The following GRID1 variants were observed in gnomAD, a reference collection of about 807,000 sequenced individuals.
The protein encoded by GRID1 is glutamate ionotropic receptor delta type subunit 1.
GRID1 carries 28 observed loss-of-function variants against 98.0 expected under a neutral mutation model. That is an observed-to-expected ratio of 0.29 (90% confidence interval 0.21 to 0.39). The LOEUF is 0.39. Ranked by LOEUF, GRID1 falls within the 10% of genes least tolerant of loss-of-function variation. The pLI is 1.00. For synonymous variants in GRID1, 553 were observed against 538.5 expected, an observed-to-expected ratio of 1.03 and a Z score of -0.37; for missense variants, 1,111 against 1,340.5, an observed-to-expected ratio of 0.83 and a Z score of 2.67.
intron 5 of GRID1, among the ~76,000 whole-genome samples, chr10:85,878,289 A>T (rs56053692): frequency 6.6e-6 from 1 of 151,436 alleles, no homozygotes; most frequent in Non-Finnish European, 1.5e-5. Context: ...GATACTCCTC[A>T]AGAAGAGCAA....
In GRID1 at chr10:85,599,802, A is replaced by AAAAAAAAAAAAAAAAAATATATAT; in HGVS notation, c.*2470_*2471insATATATATTTTTTTTTTTTTTTTT. On this transcript the variant is annotated 3_prime_UTR_variant, in exon 16 of 16. Transcript: ENST00000327946. ...GTAGAAAATTCTAAAAAAAAAAAAA[A>AAAAAAAAAAAAAAAAAATATATAT]ATATATATATATATATATAAACATG... 2 of 64,984 alleles carry AAAAAAAAAAAAAAAAAATATATAT rather than the reference A, an allele frequency of 3.1e-5. No individual in the cohort carries two copies. Among genetic ancestry groups the AAAAAAAAAAAAAAAAAATATATAT allele is most frequent in the African/African-American group, 1.9e-4 (2 of 10,732 alleles). The allele number at this position is 64,984 out of a possible 1,614,324, so 4.0% of individuals were successfully genotyped here.
At chr10:85,795,682 G>A (rs746858928) in intron 8 of GRID1, among the ~76,000 whole-genome samples, 27 of 152,144 alleles carry the variant, frequency 1.8e-4, no homozygotes, top group Admixed American at 4.6e-4. Flanking sequence ...GACAGGCAAC[G>A]GCACGTCGAA....
At chr10:86,238,534 G>C (rs1300714839) in intron 2 of GRID1, among the ~76,000 whole-genome samples, 1 of 152,148 alleles carries the variant, frequency 6.6e-6, no homozygotes, top group Non-Finnish European at 1.5e-5. Context: ...GCTGGGCATG[G>C]TGGCACATGC....
Position 86,192,008 on chromosome 10 carries a change from G to A in GRID1, c.520+14356C>T, listed in dbSNP as rs567936525. ...CCCTGTGCACTGCGAGAAGGGATCT[G>A]AACTTGATCCTTAAGGAGAGGGGGA... On this transcript the variant is annotated intron_variant, in intron 3 of 15. Transcript: ENST00000327946. This position sits in a 1 kb window ranked among gnomAD's most constrained non-coding sequence, Gnocchi z 4.8. Among the ~76,000 whole-genome samples the A allele has an allele frequency of 1.6e-4, 24 of 152,308 alleles. No homozygotes were observed. Among genetic ancestry groups the A allele is most frequent in the African/African-American group, 5.8e-4 (24 of 41,572 alleles).
intron 4 of GRID1, among the ~76,000 whole-genome samples, chr10:86,023,766 G>A (rs550057536): frequency 1.5e-4 from 23 of 152,082 alleles, no homozygotes; most frequent in Non-Finnish European, 2.5e-4. Flanking sequence ...CCCAGACTCC[G>A]CCTTATATCT....
rs530284733 is a variant in GRID1, at chr10:86,260,526, G to A, written c.236-53878C>T. 4.6e-5 allele frequency among the ~76,000 whole-genome samples: 7 copies of A among 152,212 alleles called. No individual in the cohort carries two copies. In the East Asian group the frequency reaches 1.2e-3, roughly 25 times the overall value. ...TCTAATGGGACCTTCAGGAGCTCCC[G>A]GTCCTCATAGGGATGCAGACAGACA... On this transcript the variant is annotated intron_variant, in intron 2 of 15. Coordinates refer to ENST00000327946, the MANE Select transcript of GRID1 (RefSeq NM_017551.3).
At position 85,769,047 on chromosome 10, in the gene GRID1, T is replaced by G. The variant is rs985639793; in HGVS notation, c.1234-39433A>C. Among the ~76,000 whole-genome samples, 13 of 152,184 alleles carry G rather than the reference T, an allele frequency of 8.5e-5. 1 individual carries two copies. The highest frequency in any genetic ancestry group is 8.5e-4 in the Admixed American group (13 of 15,278). On this transcript the variant is annotated intron_variant, in intron 8 of 15. Coordinates refer to ENST00000327946, the MANE Select transcript of GRID1 (RefSeq NM_017551.3). ...GCTCTATTCACTCAAAGGAAAGTAT[T>G]GTACTTGTAAACAAACAAAAAGACT...
intron 4 of GRID1, among the ~76,000 whole-genome samples, chr10:86,061,420 A>G (rs1436271868): frequency 6.6e-6 from 1 of 152,118 alleles, no homozygotes; most frequent in African/African-American, 2.4e-5. Flanking sequence ...CCATTGTGAA[A>G]GCAGCCACCT....
chr10:85,717,031 G>C (rs1841647839), intron 12 of GRID1, among the ~76,000 whole-genome samples: 1 of 152,118 alleles, frequency 6.6e-6, no homozygotes, highest in African/African-American at 2.4e-5. Flanking sequence ...ATAAGATCTG[G>C]AGATATAATG....
At chr10:85,949,325 C>G (rs1842089701) in intron 4 of GRID1, among the ~76,000 whole-genome samples, 1 of 152,114 alleles carries the variant, frequency 6.6e-6, no homozygotes, top group South Asian at 2.1e-4. Flanking sequence ...GGCATCCTTC[C>G]AGACCCTTTC....
In GRID1 at chr10:85,901,852, G is replaced by C. The variant is rs1841393804; in HGVS notation, c.780+14334C>G. Among the ~76,000 whole-genome samples the C allele has an allele frequency of 3.3e-5, 5 of 152,316 alleles. No homozygotes were observed. The South Asian group carries it at 1.0e-3, about 32-fold the overall frequency. On this transcript the variant is annotated intron_variant, in intron 5 of 15. Transcript: ENST00000327946. ...TTTCAAAGGGCTAAAGAATGATACT[G>C]CAGAACAACGATGACCTCATATATC... is the stretch of plus-strand genomic sequence containing the variant.
At chr10:85,959,888 AT>A (rs989968161) in intron 4 of GRID1, among the ~76,000 whole-genome samples, 183 of 147,316 alleles carry the variant, frequency 1.2e-3, no homozygotes, top group Middle Eastern at 3.5e-3. Context: ...CTTTTGGGTA[AT>A]TTTTTTTTTT....
At chr10:85,750,183 G>C (rs748038989) in intron 8 of GRID1, among the ~76,000 whole-genome samples, 1 of 152,136 alleles carries the variant, frequency 6.6e-6, no homozygotes, top group Non-Finnish European at 1.5e-5. Flanking sequence ...TCCAACAGGA[G>C]CATCTATTCT....
At chr10:85,982,658 G>A (rs1165081221) in intron 4 of GRID1, among the ~76,000 whole-genome samples, 2 of 152,178 alleles carry the variant, frequency 1.3e-5, no homozygotes, top group African/African-American at 2.4e-5. Flanking sequence ...TACAGTGAGA[G>A]CAATCCCAGT....
At chr10:86,233,319 T>C (rs1846484958) in intron 2 of GRID1, among the ~76,000 whole-genome samples, 1 of 152,184 alleles carries the variant, frequency 6.6e-6, no homozygotes, top group Non-Finnish European at 1.5e-5. Flanking sequence ...GGGGCCAATT[T>C]CTATAATCCA....
chr10:86,226,728 G>A (rs950003940), intron 2 of GRID1, among the ~76,000 whole-genome samples: 1 of 147,180 alleles, frequency 6.8e-6, no homozygotes, highest in African/African-American at 2.5e-5. Context: ...CCAAGTCCCA[G>A]CCCGGCCTCC....
intron 3 of GRID1, among the ~76,000 whole-genome samples, chr10:86,166,065 T>C (rs990479057): frequency 6.6e-6 from 1 of 152,232 alleles, no homozygotes; most frequent in African/African-American, 2.4e-5. Context: ...TCAGCCTCCA[T>C]CACGTGCGTT....
At chr10:85,670,166 C>T (rs922001844) in intron 12 of GRID1, among the ~76,000 whole-genome samples, 1 of 152,158 alleles carries the variant, frequency 6.6e-6, no homozygotes, top group Non-Finnish European at 1.5e-5. Context: ...TTCATAATAA[C>T]ACAGGAAAGA....
chr10:86,225,359 T>C (rs1302424470), intron 2 of GRID1, among the ~76,000 whole-genome samples: 2 of 152,208 alleles, frequency 1.3e-5, no homozygotes, highest in Non-Finnish European at 2.9e-5. Context: ...GGTTGAGTGT[T>C]TTTTAAAAGG....
Sources: gnomAD v4.1 joint callset for allele counts (sites outside exome capture counted in the v4.1 genomes callset) on GRCh38, gnomAD v4.1.1 for gene constraint, Gnocchi (gnomAD v3.1) non-coding constraint, MANE v1.5 for transcripts, NCBI Gene and HGNC (gene_info 2026-07-23, HGNC 2026-07-21) for gene names.